ARHGEF3: variants seen among roughly 807,000 people sequenced by gnomAD.
The protein encoded by ARHGEF3 is Rho guanine nucleotide exchange factor 3, also known as 59.8 kDA protein.
Under a neutral mutation model 63.2 loss-of-function variants are expected in ARHGEF3, and 28 were observed. The ratio of observed to expected loss-of-function variants is 0.44; its 90% confidence interval spans 0.33 to 0.61. The LOEUF is 0.61. Among genes scored for constraint, ARHGEF3 ranks in the 20% least tolerant of loss-of-function variants. The pLI is 0.03. For synonymous variants in ARHGEF3, 266 were observed against 254.2 expected, an observed-to-expected ratio of 1.05 and a Z score of -0.44; for missense variants, 533 against 659.3, an observed-to-expected ratio of 0.81 and a Z score of 2.10.
At chr3:56,916,523 C>A in intron 3 of ARHGEF3, 1 of 1,361,370 alleles carries the variant, frequency 7.3e-7, no homozygotes, top group Non-Finnish European at 9.5e-7. Context: ...CTGAGAGCCG[C>A]ACCAGTCAAG....
At chr3:56,999,901 G>C (rs578036221) in intron 2 of ARHGEF3, among the ~76,000 whole-genome samples, 34 of 152,322 alleles carry the variant, frequency 2.2e-4, no homozygotes, top group African/African-American at 7.7e-4. Context: ...ATGACAGTGA[G>C]AGATCACTAT....
At chr3:56,759,773 T>C (rs74459580) in intron 2 of ARHGEF3, among the ~76,000 whole-genome samples, 1,716 of 151,998 alleles carry the variant, frequency 0.011, 63 homozygotes, top group East Asian at 0.11. Flanking sequence ...CTTGAACTTC[T>C]GGTCTCAAGA....
intron 1 of ARHGEF3, among the ~76,000 whole-genome samples, chr3:57,049,749 G>C (rs537814333): frequency 1.3e-5 from 2 of 152,328 alleles, no homozygotes; most frequent in East Asian, 3.9e-4. Flanking sequence ...TTCCAACAGA[G>C]AAACTAGCTC....
At chr3:56,970,447 A>T (rs1392133992) in intron 2 of ARHGEF3, among the ~76,000 whole-genome samples, 1 of 152,128 alleles carries the variant, frequency 6.6e-6, no homozygotes, top group Non-Finnish European at 1.5e-5. Context: ...TTAGTGGTGG[A>T]GTTTTATCAG....
At chr3:57,049,376 T>C (rs1704582780) in intron 1 of ARHGEF3, among the ~76,000 whole-genome samples, 2 of 151,674 alleles carry the variant, frequency 1.3e-5, no homozygotes, top group Admixed American at 1.3e-4. Flanking sequence ...CTCCAATAAA[T>C]AAACAAATAA....
intron 4 of ARHGEF3, among the ~76,000 whole-genome samples, chr3:56,856,303 G>A (rs895200799): frequency 6.6e-6 from 1 of 152,166 alleles, no homozygotes; most frequent in Non-Finnish European, 1.5e-5. Flanking sequence ...TGTCTATAAG[G>A]ACAGTGAGTC....
chr3:56,882,444 G>A, intron 3 of ARHGEF3: 1 of 1,016,066 alleles, frequency 9.8e-7, no homozygotes, highest in Non-Finnish European at 1.5e-6. Flanking sequence ...AATAGCACAT[G>A]CAATCCTTAT....
Position 57,022,856 on chromosome 3 carries a change from A to G in ARHGEF3, c.62+12232T>C, listed in dbSNP as rs534295982. 9.1e-4 allele frequency among the ~76,000 whole-genome samples: 138 copies of G among 152,298 alleles called. 1 individual carries two copies. Among genetic ancestry groups the G allele is most frequent in the Admixed American group, 2.0e-3 (30 of 15,306 alleles). On this transcript the variant is annotated intron_variant, in intron 2 of 12. Coordinates refer to the ARHGEF3 transcript ENST00000338458. ...CATCACCCACATCTGTACTGACCTGAATGCCATTCTTTGTCCAAGCTAAGC... is the reference window on the plus strand; with the variant it reads ...CATCACCCACATCTGTACTGACCTGGATGCCATTCTTTGTCCAAGCTAAGC...
chr3:56,832,513 T>C (rs1042190243), intron 4 of ARHGEF3, among the ~76,000 whole-genome samples: 8 of 149,780 alleles, frequency 5.3e-5, no homozygotes, highest in African/African-American at 1.9e-4. Flanking sequence ...ATTCCATCTT[T>C]GGCCACCCCC....
At chr3:56,835,700 G>T (rs1169350284) in intron 4 of ARHGEF3, among the ~76,000 whole-genome samples, 1 of 152,046 alleles carries the variant, frequency 6.6e-6, no homozygotes, top group African/African-American at 2.4e-5. Flanking sequence ...TTAGCAGAAA[G>T]ACTTAAAATG....
chr3:56,861,609 C>G (rs1219314956), intron 4 of ARHGEF3, among the ~76,000 whole-genome samples: 1 of 152,046 alleles, frequency 6.6e-6, no homozygotes, highest in Non-Finnish European at 1.5e-5. Context: ...TATGGATCTC[C>G]CACTTCTTAA....
chr3:56,815,675 A>G (rs2108018893), intron 4 of ARHGEF3, among the ~76,000 whole-genome samples: 1 of 152,364 alleles, frequency 6.6e-6, no homozygotes, highest in South Asian at 2.1e-4. Flanking sequence ...CCTAAAATAT[A>G]CCACTGTCAC....
intron 3 of ARHGEF3, among the ~76,000 whole-genome samples, chr3:56,930,006 T>C (rs951760837): frequency 2.0e-5 from 3 of 152,008 alleles, no homozygotes; most frequent in Non-Finnish European, 4.4e-5. Context: ...GCCAGCCCAT[T>C]GCAGTGCAGC....
intron 1 of ARHGEF3, among the ~76,000 whole-genome samples, chr3:57,040,584 A>C (rs1056252203): frequency 2.6e-5 from 4 of 152,128 alleles, no homozygotes; most frequent in African/African-American, 9.7e-5. Context: ...TGGAAGAGGA[A>C]TGATGGGGCT....
intron 4 of ARHGEF3, among the ~76,000 whole-genome samples, chr3:56,867,475 ATTTAT>A (rs2040291148): frequency 6.6e-6 from 1 of 150,846 alleles, no homozygotes; most frequent in African/African-American, 2.5e-5. Context: ...TTATTTATTT[ATTTAT>A]TTATTTTTTT....
chr3:56,990,582 G>C (rs542967528), intron 2 of ARHGEF3, among the ~76,000 whole-genome samples: 4 of 152,256 alleles, frequency 2.6e-5, no homozygotes, highest in Admixed American at 2.6e-4. Flanking sequence ...AGTTGGTATT[G>C]GTTATAAAAT....
At chr3:56,733,238 G>A (rs1438030691) in intron 8 of ARHGEF3, among the ~76,000 whole-genome samples, 4 of 144,482 alleles carry the variant, frequency 2.8e-5, no homozygotes, top group Non-Finnish European at 6.0e-5. Flanking sequence ...AGCTGAGGTC[G>A]TGCCACTGCA....
intron 2 of ARHGEF3, among the ~76,000 whole-genome samples, chr3:57,025,025 G>A (rs1043144895): frequency 6.6e-6 from 1 of 152,168 alleles, no homozygotes; most frequent in Non-Finnish European, 1.5e-5. Flanking sequence ...GAAGTTCATG[G>A]AACTGGAGGA....
intron 2 of ARHGEF3, among the ~76,000 whole-genome samples, chr3:57,024,782 C>T (rs576218345): frequency 1.4e-4 from 21 of 152,334 alleles, no homozygotes; most frequent in African/African-American, 4.1e-4. Context: ...CCACCGCGCC[C>T]GGCCAAGAGC....
Sources: gnomAD v4.1 joint callset for allele counts (sites outside exome capture counted in the v4.1 genomes callset) on GRCh38, gnomAD v4.1.1 for gene constraint, MANE v1.5 for transcripts, NCBI Gene and HGNC (gene_info 2026-07-23, HGNC 2026-07-21) for gene names.